Variants in SYBU observed in about 807,000 individuals in gnomAD.
The protein encoded by SYBU is syntabulin, also known as GOLSYN A protein.
SYBU carries 21 observed loss-of-function variants against 35.9 expected under a neutral mutation model. That is an observed-to-expected ratio of 0.58 (90% CI 0.41 to 0.84). The LOEUF is 0.84. SYBU is among the 40% of genes least tolerant of loss of function. The probability of loss-of-function intolerance (pLI) is 0.00; values close to 1 mark genes in which losing one functional copy is unlikely to be tolerated. For synonymous variants in SYBU, 319 were observed against 324.3 expected (o/e 0.98, Z 0.18); for missense variants, 768 against 848.2 (o/e 0.91, Z 1.17).
chr8:109,652,450 C>T lies in SYBU; in HGVS notation c.-129+28261G>A, dbSNP rs1228398968. Among the ~76,000 whole-genome samples, 8 of 151,986 alleles carry T rather than the reference C, an allele frequency of 5.3e-5. No individual in the cohort carries two copies. The East Asian group carries it at 7.7e-4, about 15-fold the overall frequency. ...ACCGTCCAGGCCCCAAGGATTGATGCGGAGGAAAACAGCTTTTGGGCTTCC... is the reference window on the plus strand; with the variant it reads ...ACCGTCCAGGCCCCAAGGATTGATGTGGAGGAAAACAGCTTTTGGGCTTCC... On this transcript the variant is annotated intron_variant, in intron 1 of 5. Transcript: ENST00000408889.
At chr8:109,590,729 G>A (rs1475053491) in intron 3 of SYBU, among the ~76,000 whole-genome samples, 1 of 149,418 alleles carries the variant, frequency 6.7e-6, no homozygotes, top group African/African-American at 2.5e-5. Flanking sequence ...CATGATAAAA[G>A]GTTAATCTCC....
chr8:109,673,590 AG>A (rs1488714178), intron 1 of SYBU, among the ~76,000 whole-genome samples: 1 of 152,218 alleles, frequency 6.6e-6, no homozygotes, highest in Non-Finnish European at 1.5e-5. Context: ...AAGTGCAAAA[AG>A]GCTGAAAATT....
intron 3 of SYBU, among the ~76,000 whole-genome samples, chr8:109,614,547 T>A (rs1301563628): frequency 6.6e-6 from 1 of 152,232 alleles, no homozygotes; most frequent in Non-Finnish European, 1.5e-5. Flanking sequence ...AAAGCAGGGA[T>A]GCTGTGGAGG....
chr8:109,686,153 T>C lies in SYBU; in HGVS notation c.-58+5180A>G, dbSNP rs538897502. ...TAACTGGAAGAAATGCCTTTTTTTT[T>C]TTTCTTTCTGTACCTAATTCTGTAG... is the stretch of plus-strand genomic sequence containing the variant. On this transcript the variant is annotated intron_variant, in intron 1 of 7. Coordinates refer to the SYBU transcript ENST00000422135. Among the ~76,000 whole-genome samples, 8 of 152,220 alleles carry C rather than the reference T, an allele frequency of 5.3e-5. No individual in the cohort carries two copies. In the East Asian group the frequency reaches 1.5e-3, roughly 29 times the overall value.
chr8:109,689,844 A>AC (rs1410815051), intron 1 of SYBU, among the ~76,000 whole-genome samples: 10 of 151,710 alleles, frequency 6.6e-5, no homozygotes, highest in African/African-American at 2.4e-4. Flanking sequence ...AAAAAAAAAA[A>AC]AAAAAAAAAA....
In SYBU at chr8:109,575,246, G is replaced by T. The variant is rs1043102081; in HGVS notation, c.1652C>A (p.Ala551Asp). ...VDLTPRNPNS[A>D]ILLSPVETPY... ...GGTCTCCACGGGAGACAAAAGGATG[G>T]CTGAGTTTGGATTTCTTGGAGTTAA... The change falls in exon 7 of 7, where the codon GCC (alanine) becomes GAC (aspartate). Residue 551 changes from alanine (A) to aspartate (D), a missense_variant. Physicochemically the swap from Ala to Asp is moderately radical, Grantham distance 126. Transcript: ENST00000276646. 1.8e-5 allele frequency: 29 copies of T among 1,614,100 alleles called. No homozygotes were observed. The highest frequency in any genetic ancestry group is 2.4e-5 in the Non-Finnish European group (28 of 1,180,050).
At chr8:109,686,364 T>C (rs77694887) in intron 1 of SYBU, among the ~76,000 whole-genome samples, 2 of 152,210 alleles carry the variant, frequency 1.3e-5, no homozygotes, top group East Asian at 3.8e-4. Context: ...ATATAGATAA[T>C]ATAAAGTTTA....
At chr8:109,603,519 G>T in intron 3 of SYBU, 1 of 393,628 alleles carries the variant, frequency 2.5e-6, no homozygotes, top group Non-Finnish European at 3.5e-6. Context: ...CCCTACACAA[G>T]TTAACTTTTA....
intron 2 of SYBU, among the ~76,000 whole-genome samples, chr8:109,636,475 T>C (rs1437966475): frequency 3.3e-5 from 5 of 152,230 alleles, no homozygotes; most frequent in Non-Finnish European, 7.3e-5. Flanking sequence ...CTGTGTATCA[T>C]TCATTTTTGT....
intron 1 of SYBU, among the ~76,000 whole-genome samples, chr8:109,668,553 G>C (rs1248043731): frequency 1.3e-5 from 2 of 152,264 alleles, no homozygotes; most frequent in East Asian, 3.9e-4. Flanking sequence ...ATGTATGTGT[G>C]CTATGGAGAG....
chr8:109,616,412 T>A (rs938964460), intron 3 of SYBU, among the ~76,000 whole-genome samples: 1 of 152,202 alleles, frequency 6.6e-6, no homozygotes, highest in African/African-American at 2.4e-5. Flanking sequence ...GATTAGGGAA[T>A]TGCTCAGTGT....
At chr8:109,688,419 G>T (rs924828798) in intron 1 of SYBU, among the ~76,000 whole-genome samples, 13 of 152,070 alleles carry the variant, frequency 8.5e-5, no homozygotes, top group African/African-American at 3.1e-4. Flanking sequence ...ACCTGCTGTC[G>T]GTCTACAAGA....
intron 1 of SYBU, among the ~76,000 whole-genome samples, chr8:109,688,439 C>T (rs1409970999): frequency 6.6e-6 from 1 of 152,134 alleles, no homozygotes; most frequent in African/African-American, 2.4e-5. Flanking sequence ...ACCACAGAAG[C>T]TTTAGTCTCT....
chr8:109,580,856 C>G (rs1404075226), intron 4 of SYBU: 2 of 152,614 alleles, frequency 1.3e-5, no homozygotes, highest in East Asian at 1.9e-4. Flanking sequence ...TCCCTCTGTA[C>G]TACAGCATTC....
Position 109,643,809 on chromosome 8 carries a change from A to T in SYBU, c.24+827T>A, listed in dbSNP as rs180786893. The T allele has an allele frequency of 9.6e-3, 3,145 of 326,428 alleles. 35 individuals are homozygous for T. Among genetic ancestry groups the T allele is most frequent in the Non-Finnish European group, 0.015 (2,421 of 166,934 alleles). The allele number at this position is 326,428 out of a possible 1,614,324, so 20.2% of individuals were successfully genotyped here. A position where few individuals can be genotyped will look rare whatever the true frequency, so the allele number is the denominator to read the frequency against. ...AATGTCCCTATTTTCAGATGAGGAA[A>T]CAGGCTAAATGGGGTAGAGATGCTT... On this transcript the variant is annotated intron_variant, in intron 1 of 6. Transcript: ENST00000276646.
At chr8:109,632,268 T>C (rs1219935544) in intron 2 of SYBU, among the ~76,000 whole-genome samples, 1 of 152,200 alleles carries the variant, frequency 6.6e-6, no homozygotes, top group Non-Finnish European at 1.5e-5. Context: ...CTCGAACTCC[T>C]GACCTCAGAT....
At chr8:109,607,809 C>A (rs1826219439) in intron 3 of SYBU, 1 of 186,984 alleles carries the variant, frequency 5.3e-6, no homozygotes, top group Non-Finnish European at 8.8e-6. Flanking sequence ...ACAACTAACT[C>A]ACACACACAC....
intron 2 of SYBU, among the ~76,000 whole-genome samples, chr8:109,641,468 A>G (rs7008447): frequency 0.32 from 48,902 of 152,170 alleles, 9,501 homozygotes; most frequent in African/African-American, 0.54. Context: ...TGTAACAACT[A>G]AGGCTTAAGG....
At chr8:109,629,862 C>T (rs1418226509) in intron 2 of SYBU, among the ~76,000 whole-genome samples, 1 of 152,068 alleles carries the variant, frequency 6.6e-6, no homozygotes, top group Non-Finnish European at 1.5e-5. Context: ...TGGTATCTCA[C>T]TGTGGTTTTG....
Sources: gnomAD v4.1 joint callset for allele counts (sites outside exome capture counted in the v4.1 genomes callset) on GRCh38, gnomAD v4.1.1 for gene constraint, MANE v1.5 for transcripts, NCBI Gene and HGNC (gene_info 2026-07-23, HGNC 2026-07-21) for gene names.